The following ZC3H14 variants were observed in gnomAD, a reference collection of about 807,000 sequenced individuals.
ZC3H14 encodes the protein zinc finger CCCH-type containing 14.
In ZC3H14, 31 loss-of-function variants were observed where a neutral mutation model predicts 92.4. That is an observed-to-expected ratio of 0.34 (90% confidence interval 0.25 to 0.45). ZC3H14 has a LOEUF of 0.45. ZC3H14 is among the 20% of genes least tolerant of loss of function. The pLI, the probability that ZC3H14 is intolerant of heterozygous loss-of-function variation, is 1.00. For missense variants in ZC3H14, 781 were observed against 897.3 expected, an observed-to-expected ratio of 0.87 and a Z score of 1.66; for synonymous variants, 321 against 300.9, an observed-to-expected ratio of 1.07 and a Z score of -0.69.
chr14:88,580,917 T>C (rs74811141), intron 9 of ZC3H14, among the ~76,000 whole-genome samples: 1,662 of 152,340 alleles, frequency 0.011, 21 homozygotes, highest in Non-Finnish European at 0.018. Flanking sequence ...GAAAATGGAC[T>C]AGCATATTTA....
intron 16 of ZC3H14, 108 bp downstream of exon 16, chr14:88,611,048 A>AT: frequency 3.6e-6 from 4 of 1,114,798 alleles, no homozygotes; most frequent in South Asian, 2.7e-5. Context: ...GTTACTTTGA[A>AT]TTTTTTTCTT....
chr14:88,610,790 A>T (rs2086542364), intron 15 of ZC3H14, 44 bp from the exon 16 acceptor site: 1 of 1,559,608 alleles, frequency 6.4e-7, no homozygotes, highest in African/African-American at 1.4e-5. Context: ...GTTTACTTAT[A>T]TTAGCCTTGT....
Position 88,563,189 on chromosome 14 carries a change from G to A in ZC3H14, c.36+20G>A, listed in dbSNP as rs769303252. The A allele has an allele frequency of 1.2e-6, 2 of 1,602,310 alleles. No homozygotes were observed. The highest frequency in any genetic ancestry group is 1.7e-5 in the Admixed American group (1 of 59,018). On this transcript the variant is annotated intron_variant, in intron 1 of 16. Coordinates refer to ENST00000251038, the MANE Select transcript of ZC3H14 (RefSeq NM_024824.5). ...ATCCGGGTGAGGCCCGTGCCGGTCG[G>A]GGGTGGGAAGCCAGGTCTCGGCGAG...
chr14:88,607,667 C>T (rs2085702159), intron 13 of ZC3H14, among the ~76,000 whole-genome samples: 2 of 143,842 alleles, frequency 1.4e-5, no homozygotes, highest in African/African-American at 2.6e-5. Flanking sequence ...CCTGCAAGTA[C>T]CATCTCATCT....
rs1168229536 is a variant in ZC3H14, at chr14:88,563,184, G to T, written c.36+15G>T. 2.5e-6 allele frequency: 4 copies of T among 1,602,440 alleles called. No homozygotes were observed. The East Asian group carries it at 6.8e-5, about 27-fold the overall frequency. ...GCAAGATCCGGGTGAGGCCCGTGCC[G>T]GTCGGGGGTGGGAAGCCAGGTCTCG... On this transcript the variant is annotated intron_variant, in intron 1 of 16. Transcript: ENST00000251038.
intron 10 of ZC3H14, among the ~76,000 whole-genome samples, chr14:88,597,620 G>A (rs1159942934): frequency 6.6e-6 from 1 of 152,170 alleles, no homozygotes; most frequent in African/African-American, 2.4e-5. Context: ...ATCCCACTGG[G>A]TTGGTGAGCC....
At position 88,610,920 on chromosome 14, in the gene ZC3H14, A is replaced by G. The variant is rs1442509689; in HGVS notation, c.2184A>G (p.Lys728=). Residue 728 remains lysine (K), a synonymous_variant, in exon 16 of 17, where the codon AAA becomes AAG. Coordinates refer to ENST00000251038, the MANE Select transcript of ZC3H14 (RefSeq NM_024824.5). ...ATGTCCCACCACGACATGCCTTGAA[A>G]TGGATTCGACCTCAAACCAGGTAAA... ...TINVPPRHAL[K]WIRPQTSE 3 of 1,614,182 alleles carry G rather than the reference A, an allele frequency of 1.9e-6. No homozygotes were observed. The highest frequency in any genetic ancestry group is 2.5e-6 in the Non-Finnish European group (3 of 1,180,000).
At position 88,616,076 on chromosome 14, in the gene ZC3H14, G is replaced by A; in HGVS notation, c.*4325G>A. ...GATTTCATAAACCAAAGCTGTAGGAGTTGTTGTATTAAGTCTCTTAACTAG... is the reference window on the plus strand; with the variant it reads ...GATTTCATAAACCAAAGCTGTAGGAATTGTTGTATTAAGTCTCTTAACTAG... On this transcript the variant is annotated 3_prime_UTR_variant, in exon 17 of 17. Transcript: ENST00000251038. 2 of 1,526,472 alleles carry A rather than the reference G, an allele frequency of 1.3e-6. No individual in the cohort carries two copies. Among genetic ancestry groups the A allele is most frequent in the Non-Finnish European group, 1.8e-6 (2 of 1,101,428 alleles). The allele number at this position is 1,526,472 out of a possible 1,614,324, so 94.6% of individuals were successfully genotyped here. A position where few individuals can be genotyped will look rare whatever the true frequency, so the allele number is the denominator to read the frequency against.
In ZC3H14 at chr14:88,597,872, C is replaced by T. The variant is rs144981348; in HGVS notation, c.1354+1064C>T. On this transcript the variant is annotated intron_variant, in intron 10 of 16. Coordinates refer to ENST00000251038, the MANE Select transcript of ZC3H14 (RefSeq NM_024824.5). ...AGCTTTTCATTGTACCCATGGTGCA[C>T]GCAGTTTGAAATAGCAAGTAGTTCT... Among the ~76,000 whole-genome samples, 608 of 152,298 alleles carry T rather than the reference C, an allele frequency of 4.0e-3. 5 individuals carry two copies. The highest frequency in any genetic ancestry group is 3.8e-3 in the Non-Finnish European group (258 of 68,030).
intron 9 of ZC3H14, among the ~76,000 whole-genome samples, chr14:88,585,828 C>T (rs1171809912): frequency 6.6e-6 from 1 of 152,188 alleles, no homozygotes; most frequent in Non-Finnish European, 1.5e-5. Context: ...CAGTCTTTAT[C>T]CTCCTCATTT....
chr14:88,588,119 T>C lies in ZC3H14; in HGVS notation c.1280-8615T>C, dbSNP rs542334639. ...CCTGTACTGTAGCCTAAAAGTCTTATCACTCTGTGCTTTGAAATCTTTGGG... is the reference window on the plus strand; with the variant it reads ...CCTGTACTGTAGCCTAAAAGTCTTACCACTCTGTGCTTTGAAATCTTTGGG... On this transcript the variant is annotated intron_variant, in intron 9 of 16. Coordinates refer to ENST00000251038, the MANE Select transcript of ZC3H14 (RefSeq NM_024824.5). 1.1e-4 allele frequency among the ~76,000 whole-genome samples: 17 copies of C among 152,228 alleles called. No individual in the cohort carries two copies. In the South Asian group the frequency reaches 2.7e-3, roughly 24 times the overall value.
At chr14:88,584,861 C>T (rs117561482) in intron 9 of ZC3H14, among the ~76,000 whole-genome samples, 1,863 of 152,166 alleles carry the variant, frequency 0.012, 14 homozygotes, top group Non-Finnish European at 0.018. Context: ...GAAACCATTG[C>T]TCAGTATGTA....
chr14:88,601,148 C>T (rs1309385661), intron 10 of ZC3H14, among the ~76,000 whole-genome samples: 2 of 152,038 alleles, frequency 1.3e-5, no homozygotes, highest in Non-Finnish European at 2.9e-5. Flanking sequence ...GTCTGTTTTT[C>T]TTTTTTTCTT....
At position 88,620,479 on chromosome 14, in the gene ZC3H14, G is replaced by A. The variant is rs140713943; in HGVS notation, c.*8728G>A. 770 of 280,650 alleles carry A rather than the reference G, an allele frequency of 2.7e-3. 5 individuals are homozygous for A. The highest frequency in any genetic ancestry group is 4.0e-3 in the Non-Finnish European group (607 of 152,492). 17.4% of individuals were successfully genotyped at this position (280,650 alleles called of 1,614,324 possible). ...GTATTACAGTGGGAGATACCTCTTG[G>A]TGGGATGAACTTAATGGACATGGCT... On this transcript the variant is annotated 3_prime_UTR_variant, in exon 17 of 17. Coordinates refer to ENST00000251038, the MANE Select transcript of ZC3H14 (RefSeq NM_024824.5). This position sits in a 1 kb window ranked among gnomAD's most constrained non-coding sequence, Gnocchi z 4.3.
Position 88,563,178 on chromosome 14 carries a change from C to T in ZC3H14, c.36+9C>T, listed in dbSNP as rs757273997. ...TCAGCCGCAAGATCCGGGTGAGGCC[C>T]GTGCCGGTCGGGGGTGGGAAGCCAG... On this transcript the variant is annotated intron_variant, in intron 1 of 16. Transcript: ENST00000251038. The T allele has an allele frequency of 8.1e-6, 13 of 1,603,440 alleles. No individual in the cohort carries two copies. Among genetic ancestry groups the T allele is most frequent in the East Asian group, 6.8e-5 (3 of 44,392 alleles).
At position 88,625,465 on chromosome 14, in the gene ZC3H14, G is replaced by A. The variant is rs1477957472; in HGVS notation, c.*13714G>A. 5 of 181,094 alleles carry A rather than the reference G, an allele frequency of 2.8e-5. No individual in the cohort carries two copies. The highest frequency in any genetic ancestry group is 5.8e-5 in the Non-Finnish European group (5 of 86,798). 11.2% of individuals were successfully genotyped at this position (181,094 alleles called of 1,614,324 possible). On this transcript the variant is annotated 3_prime_UTR_variant, in exon 17 of 17. Coordinates refer to ENST00000251038, the MANE Select transcript of ZC3H14 (RefSeq NM_024824.5). ...TGCCCAGGCTGGAGTGCAATGGTGC[G>A]ATCTCAGCTCACCACAACCTCTGCT... is the stretch of plus-strand genomic sequence containing the variant.
intron 9 of ZC3H14, among the ~76,000 whole-genome samples, chr14:88,592,748 G>C (rs936808997): frequency 6.6e-6 from 1 of 151,858 alleles, no homozygotes; most frequent in Non-Finnish European, 1.5e-5. Context: ...TGATCCACCT[G>C]CCTTGGCCTC....
chr14:88,572,202 G>T lies in ZC3H14; in HGVS notation c.408G>T (p.Gln136His). 1.9e-6 allele frequency: 3 copies of T among 1,614,146 alleles called. 1 individual carries two copies. Among genetic ancestry groups the T allele is most frequent in the East Asian group, 2.2e-5 (1 of 44,872 alleles). The change falls in exon 5 of 17, where the codon CAG becomes CAT. Residue 136 changes from glutamine (Q) to histidine (H), a missense_variant. Gln to His is a conservative substitution (Grantham distance 24). Around this residue, in one of 3 missense-constraint regions of ZC3H14, gnomAD observed 454 missense variants for 438.5 expected, o/e 1.04. Transcript: ENST00000251038. ...KRDSRVSTSS[Q>H]ESKTTNVRQT... Reference sequence around the variant, plus strand: ...ATTCCAGAGTTTCTACAAGTTCGCAGGAGTCAAAAACCACAAATGTCAGGT... The same window carrying T: ...ATTCCAGAGTTTCTACAAGTTCGCATGAGTCAAAAACCACAAATGTCAGGT...
chr14:88,567,115 T>TATTC (rs2079757394), intron 2 of ZC3H14, among the ~76,000 whole-genome samples: 1 of 17,972 alleles, frequency 5.6e-5, no homozygotes, highest in Non-Finnish European at 2.8e-4. Context: ...TTATTTATTT[T>TATTC]ATTTATTTAT....
Sources: gnomAD v4.1 joint callset for allele counts (sites outside exome capture counted in the v4.1 genomes callset) on GRCh38, gnomAD v4.1.1 for gene constraint, gnomAD v4.1.1 regional missense constraint, Gnocchi (gnomAD v3.1) non-coding constraint, MANE v1.5 for transcripts, NCBI Gene and HGNC (gene_info 2026-07-23, HGNC 2026-07-21) for gene names.